The following ACER1 variants were observed in gnomAD, a reference collection of about 807,000 sequenced individuals.
The protein encoded by ACER1 is CTB-180A7.3.
Under a neutral mutation model 24.9 loss-of-function variants are expected in ACER1, and 28 were observed. The observed-to-expected ratio is 1.13, with a 90% CI of 0.83 to 1.54. The LOEUF is 1.54. Among genes scored for constraint, ACER1 ranks in the 40% most tolerant of loss-of-function variants. ACER1 has a pLI of 0.00. For missense variants in ACER1, 352 were observed against 349.3 expected (o/e 1.01, Z -0.06); for synonymous variants, 132 against 131.4 (o/e 1.00, Z -0.03).
chr19:6,347,720 C>T, the ACER1 span, among the ~76,000 whole-genome samples: 9,079 of 151,928 alleles, frequency 0.06, 394 homozygotes, highest in African/African-American at 0.12. Flanking sequence ...CCTGTAATTC[C>T]GGCTACTCGG....
chr19:6,342,683 C>A, the ACER1 span, among the ~76,000 whole-genome samples: 2 of 151,738 alleles, frequency 1.3e-5, no homozygotes, highest in Non-Finnish European at 2.9e-5. Flanking sequence ...CGTGCCACTG[C>A]ACTCCAGTCT....
upstream of ACER1, among the ~76,000 whole-genome samples, chr19:6,335,905 TC>T (rs1188103223): frequency 3.3e-5 from 5 of 150,620 alleles, no homozygotes; most frequent in African/African-American, 1.2e-4. Context: ...CTTTTTCTTT[TC>T]TTTTTTTTTT....
At chr19:6,334,388 A>G (rs1482880430), upstream of ACER1, among the ~76,000 whole-genome samples, 1 of 151,250 alleles carries the variant, frequency 6.6e-6, no homozygotes, top group Non-Finnish European at 1.5e-5. Context: ...TCTGTCACCC[A>G]GGCTGGAGTG....
the ACER1 span, among the ~76,000 whole-genome samples, chr19:6,349,652 C>T: frequency 2.0e-5 from 3 of 152,136 alleles, no homozygotes; most frequent in South Asian, 2.1e-4. Context: ...GAGCATCCCA[C>T]ATGAAGTCAG....
intron 1 of ACER1, among the ~76,000 whole-genome samples, chr19:6,319,980 G>A (rs1384896051): frequency 2.0e-5 from 3 of 151,568 alleles, no homozygotes; most frequent in Non-Finnish European, 4.4e-5. Context: ...TGTGGTGGTG[G>A]ATGCCTGTAG....
intron 1 of ACER1, among the ~76,000 whole-genome samples, chr19:6,325,238 C>T (rs1357505725): frequency 2.0e-5 from 3 of 152,202 alleles, no homozygotes; most frequent in East Asian, 1.9e-4. Flanking sequence ...CCCAATTTGG[C>T]CCCTGAAAAC....
chr19:6,313,194 T>C (rs757294477), intron 1 of ACER1, among the ~76,000 whole-genome samples: 15 of 151,538 alleles, frequency 9.9e-5, no homozygotes, highest in Non-Finnish European at 1.3e-4. Context: ...TCATGGCTCA[T>C]TGCAGCCTCA....
chr19:6,321,696 C>A (rs1231054786), intron 1 of ACER1, among the ~76,000 whole-genome samples: 1 of 152,160 alleles, frequency 6.6e-6, no homozygotes, highest in African/African-American at 2.4e-5. Flanking sequence ...CAACCTCCGC[C>A]TTCTGGGTTC....
chr19:6,333,483 C>T lies in ACER1; in HGVS notation c.69G>A (p.Glu23=), dbSNP rs1398851093. 6.3e-7 allele frequency: 1 copy of T among 1,592,654 alleles called. No individual in the cohort carries two copies. The highest frequency in any genetic ancestry group is 8.6e-7 in the Non-Finnish European group (1 of 1,168,874). Reference sequence around the variant, plus strand: ...CCGTGTTGTAGAACTCGGCCACCAGCTCCGAGTACTGGAAGTTGCTCTCAC... The same window carrying T: ...CCGTGTTGTAGAACTCGGCCACCAGTTCCGAGTACTGGAAGTTGCTCTCAC... ...DWCESNFQYS[E]LVAEFYNTFS... is the part of the protein sequence containing the mutation. Residue 23 remains glutamate, a synonymous_variant, in exon 1 of 6, where the codon GAG becomes GAA. Transcript: ENST00000301452.
intron 1 of ACER1, among the ~76,000 whole-genome samples, chr19:6,316,467 T>A (rs1271299049): frequency 6.6e-6 from 1 of 152,022 alleles, no homozygotes; most frequent in African/African-American, 2.4e-5. Flanking sequence ...GAAATGCCTT[T>A]GCGGCAACAT....
the ACER1 span, among the ~76,000 whole-genome samples, chr19:6,358,626 C>CAAAA: frequency 1.0e-5 from 1 of 95,690 alleles, no homozygotes; most frequent in African/African-American, 3.8e-5. Context: ...GACTCCATCT[C>CAAAA]AAAAAAAAAA....
In ACER1 at chr19:6,331,153, C is replaced by CTTT. The variant is rs560393300; in HGVS notation, c.93+2303_93+2305dup. ...GGTCATGCCTGGTACACAGCAAGCA[C>CTTT]TTTTTTTTTTTTTTTGAGATGAGGT... On this transcript the variant is annotated intron_variant, in intron 1 of 5. Transcript: ENST00000301452. 1.5e-4 allele frequency among the ~76,000 whole-genome samples: 20 copies of CTTT among 134,878 alleles called. 3 individuals are homozygous for CTTT. The highest frequency in any genetic ancestry group is 4.5e-4 in the African/African-American group (15 of 33,060). The allele number at this position is 134,878 out of a possible 152,430, so 88.5% of individuals were successfully genotyped here. A position where few individuals can be genotyped will look rare whatever the true frequency, so the allele number is the denominator to read the frequency against.
chr19:6,351,689 C>G, the ACER1 span, among the ~76,000 whole-genome samples: 9,067 of 136,930 alleles, frequency 0.066, 395 homozygotes, highest in African/African-American at 0.17. Flanking sequence ...GCTGTGATTG[C>G]GCTACTGCAC....
intron 1 of ACER1, 123 bp from the exon 2 acceptor site, chr19:6,312,622 A>T (rs2091587687): frequency 1.4e-6 from 1 of 697,448 alleles, no homozygotes; most frequent in Admixed American, 2.5e-5. Context: ...CAATGCATCA[A>T]CCCAGGATTT....
intron 5 of ACER1, 128 bp downstream of exon 5, chr19:6,307,025 G>A (rs1004816786): frequency 2.1e-5 from 31 of 1,495,450 alleles, no homozygotes; most frequent in Admixed American, 1.4e-4. Context: ...TTCCCCTACC[G>A]CCAGGTCCCA....
chr19:6,327,754 T>C (rs2091668315), intron 1 of ACER1, among the ~76,000 whole-genome samples: 1 of 151,800 alleles, frequency 6.6e-6, no homozygotes, highest in African/African-American at 2.4e-5. Flanking sequence ...CATGTGAAAA[T>C]TATATGAAAT....
At chr19:6,351,714 CAG>C in the ACER1 span, among the ~76,000 whole-genome samples, 1 of 147,642 alleles carries the variant, frequency 6.8e-6, no homozygotes, top group Non-Finnish European at 1.5e-5. Flanking sequence ...GCCTGGGTGA[CAG>C]AGTGAGATGC....
upstream of ACER1, among the ~76,000 whole-genome samples, chr19:6,335,966 T>C (rs1025660871): frequency 1.1e-4 from 17 of 151,184 alleles, no homozygotes; most frequent in African/African-American, 3.9e-4. Flanking sequence ...AATGGCATGA[T>C]CTCAGCTCAC....
chr19:6,359,306 T>C, the ACER1 span, among the ~76,000 whole-genome samples: 8 of 149,928 alleles, frequency 5.3e-5, no homozygotes, highest in Admixed American at 1.3e-4. Context: ...GGAGTCTCTC[T>C]GAATCTGCTG....
Sources: gnomAD v4.1 joint callset for allele counts (sites outside exome capture counted in the v4.1 genomes callset) on GRCh38, gnomAD v4.1.1 for gene constraint, MANE v1.5 for transcripts, NCBI Gene and HGNC (gene_info 2026-07-23, HGNC 2026-07-21) for gene names.